Variants in CREB5 observed in about 807,000 individuals in gnomAD.
CREB5 encodes cAMP responsive element binding protein 5.
CREB5 carries 19 observed loss-of-function variants against 57.1 expected under a neutral mutation model. The observed-to-expected ratio is 0.33, with a 90% confidence interval of 0.23 to 0.49. The LOEUF (loss-of-function observed/expected upper bound fraction) is 0.49. CREB5 is among the 20% of genes least tolerant of loss of function. The pLI is 0.99. For synonymous variants in CREB5, 238 were observed against 238.3 expected (o/e 1.00, Z 0.01); for missense variants, 579 against 671.6 (o/e 0.86, Z 1.52).
chr7:28,783,084 C>T (rs538897390), intron 7 of CREB5, among the ~76,000 whole-genome samples: 14 of 152,298 alleles, frequency 9.2e-5, no homozygotes, highest in African/African-American at 3.4e-4. Context: ...GAGGTTCTAA[C>T]TGTTAGCATG....
chr7:28,814,186 G>A (rs1027592704), intron 9 of CREB5, among the ~76,000 whole-genome samples: 1 of 152,122 alleles, frequency 6.6e-6, no homozygotes, highest in South Asian at 2.1e-4. Flanking sequence ...TTCCACTTAC[G>A]TTCCCTTGAA....
intron 7 of CREB5, among the ~76,000 whole-genome samples, chr7:28,771,508 T>C (rs1422173620): frequency 6.6e-6 from 1 of 152,138 alleles, no homozygotes; most frequent in Non-Finnish European, 1.5e-5. Flanking sequence ...AAGACAACGA[T>C]GCCTTCCTCA....
intron 1 of CREB5, among the ~76,000 whole-genome samples, chr7:28,374,207 G>C (rs773693774): frequency 2.6e-5 from 4 of 152,160 alleles, no homozygotes; most frequent in African/African-American, 7.2e-5. Flanking sequence ...AAATCAAACA[G>C]ACTGACAATA....
At chr7:28,600,334 G>T (rs1312665657) in intron 5 of CREB5, among the ~76,000 whole-genome samples, 1 of 151,592 alleles carries the variant, frequency 6.6e-6, no homozygotes, top group Non-Finnish European at 1.5e-5. Flanking sequence ...AGCTAAACTC[G>T]CAGGCGCAAG....
intron 5 of CREB5, among the ~76,000 whole-genome samples, chr7:28,612,783 G>C (rs1423586315): frequency 6.6e-6 from 1 of 152,054 alleles, no homozygotes; most frequent in Non-Finnish European, 1.5e-5. Flanking sequence ...CCTGTCAGTA[G>C]GATTATGTTA....
intron 7 of CREB5, among the ~76,000 whole-genome samples, chr7:28,765,327 A>T (rs1048331330): frequency 6.6e-6 from 1 of 152,230 alleles, no homozygotes; most frequent in African/African-American, 2.4e-5. Flanking sequence ...GTACTTCCTA[A>T]GTGTTTTACC....
intron 2 of CREB5, among the ~76,000 whole-genome samples, chr7:28,490,195 G>A (rs954258528): frequency 5.3e-5 from 8 of 152,196 alleles, no homozygotes; most frequent in African/African-American, 9.7e-5. Context: ...ATATGTGTCC[G>A]TGTCCTCACA....
At chr7:28,802,000 G>A (rs531338176) in intron 7 of CREB5, among the ~76,000 whole-genome samples, 3 of 137,360 alleles carry the variant, frequency 2.2e-5, no homozygotes, top group East Asian at 2.2e-4. Flanking sequence ...CAGGAGAATC[G>A]CTTGAACCCG....
chr7:28,578,406 C>T (rs1795987549), intron 5 of CREB5, among the ~76,000 whole-genome samples: 1 of 152,116 alleles, frequency 6.6e-6, no homozygotes, highest in African/African-American at 2.4e-5. Context: ...AGAGAATTAA[C>T]ATGGGAAAAT....
At chr7:28,643,739 G>A (rs888665263) in intron 5 of CREB5, among the ~76,000 whole-genome samples, 11 of 139,006 alleles carry the variant, frequency 7.9e-5, no homozygotes, top group East Asian at 2.3e-4. Context: ...AATAGTTCAC[G>A]GGTTTGGGAG....
intron 7 of CREB5, among the ~76,000 whole-genome samples, chr7:28,793,812 G>A (rs1196545467): frequency 6.6e-6 from 1 of 152,228 alleles, no homozygotes; most frequent in Non-Finnish European, 1.5e-5. Context: ...CATACCCAAG[G>A]ACTACTGTGC....
At chr7:28,676,499 T>C (rs1300025361) in intron 5 of CREB5, among the ~76,000 whole-genome samples, 2 of 152,222 alleles carry the variant, frequency 1.3e-5, no homozygotes, top group Non-Finnish European at 2.9e-5. Context: ...TTCTCCTTCC[T>C]GGGTCACTCG....
chr7:28,605,052 A>G (rs1054048088), intron 5 of CREB5, among the ~76,000 whole-genome samples: 1 of 152,096 alleles, frequency 6.6e-6, no homozygotes, highest in Non-Finnish European at 1.5e-5. Context: ...ATTAAAAAAA[A>G]GAGATAACAT....
chr7:28,402,150 C>G (rs1001921803), intron 1 of CREB5, among the ~76,000 whole-genome samples: 12 of 152,202 alleles, frequency 7.9e-5, no homozygotes, highest in African/African-American at 2.9e-4. Flanking sequence ...ATTTGCATTT[C>G]TCTGATGGCC....
At chr7:28,719,668 A>G (rs1223817387) in intron 6 of CREB5, among the ~76,000 whole-genome samples, 1 of 152,226 alleles carries the variant, frequency 6.6e-6, no homozygotes, top group Non-Finnish European at 1.5e-5. Flanking sequence ...TAACTTGGCT[A>G]GGGTTACAGA....
At chr7:28,653,294 T>A (rs1799214728) in intron 5 of CREB5, among the ~76,000 whole-genome samples, 1 of 152,070 alleles carries the variant, frequency 6.6e-6, no homozygotes, top group Non-Finnish European at 1.5e-5. Flanking sequence ...CACTTTGGGG[T>A]GATGGGATTT....
intron 5 of CREB5, among the ~76,000 whole-genome samples, chr7:28,642,987 TAC>T (rs1179446048): frequency 0.11 from 11,112 of 98,272 alleles, 637 homozygotes; most frequent in Admixed American, 0.15. Flanking sequence ...CACACACACA[TAC>T]ACACACACAC....
chr7:28,418,629 G>A (rs1788112363), intron 1 of CREB5, among the ~76,000 whole-genome samples: 1 of 152,102 alleles, frequency 6.6e-6, no homozygotes, highest in African/African-American at 2.4e-5. Flanking sequence ...AAAATTACAT[G>A]TTTTTCTACA....
At chr7:28,785,968 G>A (rs763038367) in intron 7 of CREB5, among the ~76,000 whole-genome samples, 17 of 152,122 alleles carry the variant, frequency 1.1e-4, no homozygotes, top group Non-Finnish European at 1.9e-4. Context: ...ACGTGGTCAC[G>A]TGTCATCGTG....
Sources: allele counts gnomAD v4.1 joint callset (sites outside exome capture counted in the v4.1 genomes callset), GRCh38; gene constraint gnomAD v4.1.1; transcripts MANE v1.5; gene names NCBI Gene and HGNC (gene_info 2026-07-23, HGNC 2026-07-21).